ARMC10: variants seen among roughly 807,000 people sequenced by gnomAD.
ARMC10 encodes armadillo repeat-containing protein 10.
A neutral mutation model predicts 30.2 loss-of-function variants in ARMC10; 23 were observed. The observed-to-expected ratio is 0.76, with a 90% CI of 0.55 to 1.08. The LOEUF is 1.08. Ranked by LOEUF, ARMC10 falls within the 50% of genes least tolerant of loss-of-function variation. The probability of loss-of-function intolerance (pLI) is 0.00; values close to 1 mark genes in which losing one functional copy is unlikely to be tolerated. For synonymous variants in ARMC10, 111 were observed against 164.4 expected (o/e 0.68, Z 2.48); for missense variants, 303 against 413.7 (o/e 0.73, Z 2.32).
At position 103,086,771 on chromosome 7, in the gene ARMC10, T is replaced by C. The variant is rs1013905575; in HGVS notation, c.528+7T>C. On this transcript the variant is annotated splice_region_variant and intron_variant, in intron 4 of 6. Transcript: ENST00000323716. ...AAATCAAATCAAGATAAAGGTAAGT[T>C]GACTGAAAATCACAAATGTATAAGG... 3.8e-6 allele frequency: 6 copies of C among 1,588,122 alleles called. No homozygotes were observed. The highest frequency in any genetic ancestry group is 1.2e-5 in the South Asian group (1 of 85,444).
intron 4 of ARMC10, among the ~76,000 whole-genome samples, chr7:103,092,113 G>A (rs1479952000): frequency 4.6e-5 from 7 of 151,994 alleles, no homozygotes; most frequent in African/African-American, 1.7e-4. Context: ...CGGGCGGATC[G>A]CGAGGTCAGG....
chr7:103,078,076 A>G (rs1585718559), intron 2 of ARMC10, among the ~76,000 whole-genome samples: 2 of 152,036 alleles, frequency 1.3e-5, no homozygotes, highest in Admixed American at 1.3e-4. Context: ...GCTCACTGCA[A>G]CCGCCACCTC....
At chr7:103,097,006 A>G (rs1295800945) in intron 5 of ARMC10, 1 of 466,028 alleles carries the variant, frequency 2.1e-6, no homozygotes, top group Non-Finnish European at 3.8e-6. Flanking sequence ...TATTCTCTCT[A>G]TCTCCCTAAC....
At chr7:103,076,314 A>G (rs942205926) in intron 2 of ARMC10, among the ~76,000 whole-genome samples, 4 of 152,192 alleles carry the variant, frequency 2.6e-5, no homozygotes, top group African/African-American at 9.7e-5. Context: ...ATTTACTGGT[A>G]ATTGGGGTGG....
chr7:103,085,925 T>C (rs1800808666), intron 3 of ARMC10, among the ~76,000 whole-genome samples: 1 of 152,102 alleles, frequency 6.6e-6, no homozygotes. Context: ...CTGGGTACCA[T>C]TTTTCAAACT....
rs1026499005 is a variant in ARMC10, at chr7:103,083,388, G to A, written c.245-294G>A. On this transcript the variant is annotated intron_variant, in intron 2 of 6. Coordinates refer to ENST00000323716, the MANE Select transcript of ARMC10 (RefSeq NM_031905.5). ...TATCCCACCACTTTGGGAGGCCAAG[G>A]CAGGAGGACTGCTTGAGGTTAGAAG... Among the ~76,000 whole-genome samples, 3 of 152,204 alleles carry A rather than the reference G, an allele frequency of 2.0e-5. No homozygotes were observed. The East Asian group carries it at 5.8e-4, about 29-fold the overall frequency.
chr7:103,076,299 C>A (rs573960065), intron 2 of ARMC10, among the ~76,000 whole-genome samples: 1 of 152,204 alleles, frequency 6.6e-6, no homozygotes, highest in Non-Finnish European at 1.5e-5. Context: ...TGTAGTTTAT[C>A]CTGAATTTAC....
At chr7:103,083,236 A>G in intron 2 of ARMC10, 1 of 437,104 alleles carries the variant, frequency 2.3e-6, no homozygotes, top group Admixed American at 2.5e-5. Flanking sequence ...CTGTAATTTG[A>G]GAGTACTACA....
chr7:103,079,793 AAAT>A (rs1414048925), intron 2 of ARMC10, among the ~76,000 whole-genome samples: 1 of 152,242 alleles, frequency 6.6e-6, no homozygotes, highest in Non-Finnish European at 1.5e-5. Flanking sequence ...CTGTTTCAAA[AAAT>A]ATATATCATT....
intron 4 of ARMC10, among the ~76,000 whole-genome samples, chr7:103,090,746 T>G (rs968796082): frequency 1.5e-5 from 2 of 137,020 alleles, no homozygotes; most frequent in South Asian, 4.2e-4. Flanking sequence ...AAAAAAAAAT[T>G]TATTAGCTGG....
chr7:103,080,516 A>G (rs1380854376), intron 2 of ARMC10, among the ~76,000 whole-genome samples: 1 of 151,970 alleles, frequency 6.6e-6, no homozygotes, highest in Non-Finnish European at 1.5e-5. Flanking sequence ...TGGCCTCCCA[A>G]AGTGGTGGGA....
chr7:103,079,853 C>G (rs960196554), intron 2 of ARMC10, among the ~76,000 whole-genome samples: 2 of 152,156 alleles, frequency 1.3e-5, no homozygotes, highest in Non-Finnish European at 2.9e-5. Flanking sequence ...ACTTTAAAAA[C>G]TAGGAGTTCC....
chr7:103,089,502 T>A, intron 4 of ARMC10: 1 of 199,678 alleles, frequency 5.0e-6, no homozygotes, highest in South Asian at 1.1e-4. Flanking sequence ...TGATTACAAC[T>A]AATGGTCTTT....
chr7:103,088,718 A>G, intron 4 of ARMC10: 1 of 196,238 alleles, frequency 5.1e-6, no homozygotes. Context: ...AGATATTTTC[A>G]TGAGCCTGGG....
intron 6 of ARMC10, among the ~76,000 whole-genome samples, 159 bp from the exon 7 acceptor site, chr7:103,098,140 T>C (rs1314963093): frequency 6.6e-6 from 1 of 152,148 alleles, no homozygotes; most frequent in East Asian, 1.9e-4. Context: ...TTTTGGGTTT[T>C]CTGTGACAAA....
intron 5 of ARMC10, chr7:103,096,962 T>G (rs1801808177): frequency 5.8e-6 from 2 of 342,812 alleles, no homozygotes. Context: ...ATCTCTGTGA[T>G]AAGTTCTCTA....
Position 103,086,684 on chromosome 7 carries a change from T to C in ARMC10, c.448T>C (p.Ser150Pro). 6.3e-7 allele frequency: 1 copy of C among 1,596,478 alleles called. No homozygotes were observed. The highest frequency in any genetic ancestry group is 8.5e-7 in the Non-Finnish European group (1 of 1,176,076). The change falls in exon 4 of 7, where the codon TCC (serine) becomes CCC (proline). Residue 150 changes from serine (S) to proline (P), a missense_variant. Coordinates refer to ENST00000323716, the MANE Select transcript of ARMC10 (RefSeq NM_031905.5). ...AATTGTTGCAAACAAAATCAACCAT[T>C]CCAACCAGAGTATTAAAGAGAAAGC... ...IPIVANKINH[S>P]NQSIKEKALN...
At chr7:103,087,737 C>A (rs1477527229) in intron 4 of ARMC10, 6 of 977,616 alleles carry the variant, frequency 6.1e-6, no homozygotes, top group Non-Finnish European at 4.9e-6. Context: ...AAGAGGTAAT[C>A]TCTGTATTTA....
At chr7:103,093,161 G>GTTTCTTAAGTAAATC (rs1232569345) in intron 5 of ARMC10, among the ~76,000 whole-genome samples, 1 of 152,144 alleles carries the variant, frequency 6.6e-6, no homozygotes, top group Admixed American at 6.6e-5. Flanking sequence ...CCTATAAAAA[G>GTTTCTTAAGTAAATC]TTTCTTAAGT....
Sources: gnomAD v4.1 joint callset for allele counts (sites outside exome capture counted in the v4.1 genomes callset) on GRCh38, gnomAD v4.1.1 for gene constraint, MANE v1.5 for transcripts, NCBI Gene and HGNC (gene_info 2026-07-23, HGNC 2026-07-21) for gene names.